Variants in PMPCA observed in about 807,000 individuals in gnomAD.
The protein encoded by PMPCA is mitochondrial-processing peptidase subunit alpha.
A neutral mutation model predicts 59.3 loss-of-function variants in PMPCA; 47 were observed. That is an observed-to-expected ratio of 0.79 (90% CI 0.63 to 1.01). The LOEUF is 1.01. PMPCA is among the 50% of genes least tolerant of loss of function. The pLI, the probability that PMPCA is intolerant of heterozygous loss-of-function variation, is 0.00. For synonymous variants in PMPCA, 338 were observed against 290.3 expected (o/e 1.16, Z -1.67); for missense variants, 726 against 704.5 (o/e 1.03, Z -0.34).
In PMPCA at chr9:136,416,557, G is replaced by T. The variant is rs936717958; in HGVS notation, c.633+166G>T. ...AGGTTTCTCCACATTGCCTACGCTG[G>T]TCTTGCACTCCTGGGCTCAGCTCAG... On this transcript the variant is annotated intron_variant, in intron 6 of 12. Coordinates refer to ENST00000371717, the MANE Select transcript of PMPCA (RefSeq NM_015160.3). 3.1e-5 allele frequency: 21 copies of T among 679,998 alleles called. 1 individual carries two copies. Among genetic ancestry groups the T allele is most frequent in the Admixed American group, 4.1e-5 (2 of 48,940 alleles). 42.1% of individuals were successfully genotyped at this position (679,998 alleles called of 1,614,324 possible).
At chr9:136,421,137 C>T (rs900134542) in intron 11 of PMPCA, among the ~76,000 whole-genome samples, 9 of 152,208 alleles carry the variant, frequency 5.9e-5, no homozygotes, top group Admixed American at 2.0e-4. Flanking sequence ...GGCCCTGCGC[C>T]GGAGGCGTCT....
intron 2 of PMPCA, 57 bp from the exon 3 acceptor site, chr9:136,412,433 G>C (rs1835157789): frequency 1.1e-5 from 10 of 900,220 alleles, no homozygotes; most frequent in South Asian, 8.5e-5. Flanking sequence ...TGTTTCTCTT[G>C]ATTAAATCTT....
At chr9:136,410,791 T>G in intron 1 of PMPCA, 52 bp downstream of exon 1, 1 of 1,322,982 alleles carries the variant, frequency 7.6e-7, no homozygotes, top group Non-Finnish European at 9.7e-7. Context: ...GGCTCGAGTC[T>G]TTCTGGACGC....
In PMPCA at chr9:136,423,152, C is replaced by T. The variant is rs757804177; in HGVS notation, c.1466C>T (p.Pro489Leu). 3.1e-6 allele frequency: 5 copies of T among 1,613,768 alleles called. No individual in the cohort carries two copies. Among genetic ancestry groups the T allele is most frequent in the African/African-American group, 1.3e-5 (1 of 75,064 alleles). The change falls in exon 13 of 13, where the codon CCG becomes CTG. Residue 489 changes from proline to leucine, a missense_variant. Pro to Leu is a moderately conservative substitution (Grantham distance 98). Transcript: ENST00000371717. The part of the protein sequence containing the change: ...RVASKMLRGK[P>L]AVAALGDLTD... ...GCTTCTAAGATGCTCCGAGGGAAGC[C>T]GGCAGTGGCCGCCCTGGGTGACCTG...
chr9:136,420,957 C>T (rs1222305397), intron 11 of PMPCA: 1 of 152,016 alleles, frequency 6.6e-6, no homozygotes, highest in Non-Finnish European at 1.5e-5. Flanking sequence ...AGTGTAGCAT[C>T]TCTGCGGCCC....
At position 136,417,169 on chromosome 9, in the gene PMPCA, G is replaced by A. The variant is rs1835304936; in HGVS notation, c.852G>A (p.Val284=). Residue 284 remains valine, a synonymous_variant, in exon 7 of 13, where the codon GTG becomes GTA. Coordinates refer to ENST00000371717, the MANE Select transcript of PMPCA (RefSeq NM_015160.3). Reference sequence around the variant, plus strand: ...CGGCCTGGGGGAGCGCAGAGGCCGTGGATATTGACAGATCTGTGGCCCAGT... The same window carrying A: ...CGGCCTGGGGGAGCGCAGAGGCCGTAGATATTGACAGATCTGTGGCCCAGT... ...VQPAWGSAEA[V]DIDRSVAQYT... is the part of the protein sequence containing the mutation. The A allele has an allele frequency of 6.2e-7, 1 of 1,607,836 alleles. No individual in the cohort carries two copies. The highest frequency in any genetic ancestry group is 8.5e-7 in the Non-Finnish European group (1 of 1,175,590).
At chr9:136,423,043 AG>A in intron 12 of PMPCA, 51 bp from the exon 13 acceptor site, 3 of 1,550,844 alleles carry the variant, frequency 1.9e-6, no homozygotes, top group Non-Finnish European at 2.6e-6. Flanking sequence ...ATGCAGCCTC[AG>A]CGTGGGGGCC....
chr9:136,412,769 C>T (rs1302981116), intron 3 of PMPCA, 41 bp from the exon 4 acceptor site: 3 of 1,211,552 alleles, frequency 2.5e-6, no homozygotes, highest in African/African-American at 3.0e-5. Flanking sequence ...TCAGGGATAG[C>T]CTGGATTGCT....
At chr9:136,411,274 AGGGGTGCG>A (rs1168809067) in intron 1 of PMPCA, 2 of 153,810 alleles carry the variant, frequency 1.3e-5, no homozygotes, top group Non-Finnish European at 2.9e-5. Flanking sequence ...GCGCCGTTTC[AGGGGTGCG>A]GAGGTGCTGC....
At chr9:136,412,352 C>T (rs1193793813) in intron 2 of PMPCA, 138 bp from the exon 3 acceptor site, 4 of 768,306 alleles carry the variant, frequency 5.2e-6, no homozygotes, top group African/African-American at 1.7e-5. Context: ...ACACATATAC[C>T]TGTGAAACCA....
Position 136,417,091 on chromosome 9 carries a change from G to A in PMPCA, c.774G>A (p.Val258=), listed in dbSNP as rs769033842. The change falls in exon 7 of 13, where the codon GTG becomes GTA. Residue 258 remains valine (V), a synonymous_variant. Coordinates refer to ENST00000371717, the MANE Select transcript of PMPCA (RefSeq NM_015160.3). ...PDRMVLAGVG[V]EHEHLVDCAR... ...GCATGGTGCTGGCCGGCGTGGGCGT[G>A]GAGCACGAGCATCTGGTGGACTGTG... The A allele has an allele frequency of 1.2e-6, 2 of 1,613,970 alleles. No homozygotes were observed. Among genetic ancestry groups the A allele is most frequent in the South Asian group, 2.2e-5 (2 of 91,082 alleles).
At chr9:136,413,378 G>A (rs1253730093) in intron 4 of PMPCA, among the ~76,000 whole-genome samples, 2 of 152,188 alleles carry the variant, frequency 1.3e-5, no homozygotes, top group African/African-American at 4.8e-5. Flanking sequence ...GCTTGGTGGA[G>A]GGAGGGGGCA....
rs759212426 is a variant in PMPCA at position 136,423,081 on chromosome 9, G to C, written c.1409-14G>C. 2 of 1,607,594 alleles carry C rather than the reference G, an allele frequency of 1.2e-6. No homozygotes were observed. Among genetic ancestry groups the C allele is most frequent in the East Asian group, 2.2e-5 (1 of 44,686 alleles). ...TGGCGCGCTCGTGTGACACGCGTTT[G>C]CCCTCTGCACTAGGCAACGTGAAGC... On this transcript the variant is annotated splice_polypyrimidine_tract_variant and intron_variant, in intron 12 of 12. Transcript: ENST00000371717.
At position 136,423,490 on chromosome 9, in the gene PMPCA, C is replaced by T; in HGVS notation, c.*226C>T. On this transcript the variant is annotated 3_prime_UTR_variant, in exon 13 of 13. Coordinates refer to ENST00000371717, the MANE Select transcript of PMPCA (RefSeq NM_015160.3). ...GCAAGCCAGGAAGCAGGTGAAGTGC[C>T]CAGCGCTGGAGTGCAGCGTGCCACG... 1.8e-6 allele frequency: 1 copy of T among 548,612 alleles called. No homozygotes were observed. Among genetic ancestry groups the T allele is most frequent in the South Asian group, 2.2e-5 (1 of 46,094 alleles). The allele number at this position is 548,612 out of a possible 1,614,324, so 34.0% of individuals were successfully genotyped here. A position where few individuals can be genotyped will look rare whatever the true frequency, so the allele number is the denominator to read the frequency against.
At chr9:136,411,241 C>T (rs1835100271) in intron 1 of PMPCA, 1 of 154,950 alleles carries the variant, frequency 6.5e-6, no homozygotes, top group Non-Finnish European at 1.4e-5. Context: ...ACAGCACAGG[C>T]GTCGCCCCTC....
intron 5 of PMPCA, 150 bp downstream of exon 5, chr9:136,414,797 G>A (rs374370766): frequency 6.4e-5 from 38 of 597,364 alleles, no homozygotes; most frequent in African/African-American, 6.3e-4. Context: ...ATAAGAAATA[G>A]CGCTGGGGCT....
chr9:136,417,746 G>A (rs1218627691), intron 7 of PMPCA, among the ~76,000 whole-genome samples: 3 of 152,000 alleles, frequency 2.0e-5, no homozygotes, highest in Non-Finnish European at 4.4e-5. Flanking sequence ...AAGCCACCAC[G>A]CCCAGCTTAT....
At chr9:136,417,838 C>G (rs1237751749) in intron 7 of PMPCA, among the ~76,000 whole-genome samples, 179 bp from the exon 8 acceptor site, 1 of 151,498 alleles carries the variant, frequency 6.6e-6, no homozygotes, top group Non-Finnish European at 1.5e-5. Context: ...GTCTTGAACT[C>G]CTGGACTCAA....
At chr9:136,416,868 C>T (rs1456706561) in intron 6 of PMPCA, 83 bp from the exon 7 acceptor site, 4 of 1,346,018 alleles carry the variant, frequency 3.0e-6, no homozygotes, top group Non-Finnish European at 3.1e-6. Flanking sequence ...GGGCTGGCTG[C>T]AGATGGGCGC....
Sources: gnomAD v4.1 joint callset for allele counts (sites outside exome capture counted in the v4.1 genomes callset) on GRCh38, gnomAD v4.1.1 for gene constraint, MANE v1.5 for transcripts, NCBI Gene and HGNC (gene_info 2026-07-23, HGNC 2026-07-21) for gene names.